The following HBEGF variants were observed in gnomAD, a reference collection of about 807,000 sequenced individuals.
HBEGF encodes the protein heparin binding EGF like growth factor, also known as proheparin-binding EGF-like growth factor.
HBEGF carries 8 observed loss-of-function variants against 19.5 expected under a neutral mutation model. The ratio of observed to expected loss-of-function variants is 0.41; its 90% CI spans 0.24 to 0.74. HBEGF has a LOEUF of 0.74. Ranked by LOEUF, HBEGF falls within the 30% of genes least tolerant of loss-of-function variation. The pLI is 0.32. For synonymous variants in HBEGF, 97 were observed against 108.9 expected, an observed-to-expected ratio of 0.89 and a Z score of 0.68; for missense variants, 207 against 256.9, an observed-to-expected ratio of 0.81 and a Z score of 1.33.
Position 140,346,538 on chromosome 5 carries a change from G to A in HBEGF, c.-210C>T. On this transcript the variant is annotated 5_prime_UTR_variant, in exon 1 of 6. Coordinates refer to ENST00000230990, the MANE Select transcript of HBEGF (RefSeq NM_001945.3). This position sits in a 1 kb window ranked among gnomAD's most constrained non-coding sequence, Gnocchi z 6.1. ...GCTCACTCAGCCCGCCCGCGCGGCC[G>A]CCCGACCCCGCGCGCCTAGGTCAGG... is the stretch of plus-strand genomic sequence containing the variant. The A allele has an allele frequency of 1.7e-6, 1 of 604,618 alleles. No homozygotes were observed. Among genetic ancestry groups the A allele is most frequent in the Non-Finnish European group, 2.9e-6 (1 of 345,778 alleles). 37.5% of individuals were successfully genotyped at this position (604,618 alleles called of 1,614,324 possible).
Position 140,335,895 on chromosome 5 carries a change from G to A in HBEGF, c.531C>T (p.Val177=), listed in dbSNP as rs753910986. Residue 177 remains valine, a synonymous_variant, in exon 4 of 6, where the codon GTC becomes GTT. Coordinates refer to ENST00000230990, the MANE Select transcript of HBEGF (RefSeq NM_001945.3). The part of the protein sequence containing the change: ...AVVLSSVCLL[V]IVGLLMFRYH... ...ACCTAAACATGAGAAGCCCCACGAT[G>A]ACCAGCAGACAGACAGATGACAGCA... The A allele has an allele frequency of 4.0e-5, 64 of 1,614,018 alleles. 1 individual carries two copies. The highest frequency in any genetic ancestry group is 2.7e-4 in the Admixed American group (16 of 60,004).
In HBEGF at chr5:140,342,792, G is replaced by C. The variant is rs1443293028; in HGVS notation, c.241C>G (p.Gln81Glu). Residue 81 changes from glutamine (Q) to glutamate (E), a missense_variant, in exon 3 of 6, where the codon CAA becomes GAA. Physicochemically the swap from Gln to Glu is conservative, Grantham distance 29. Transcript: ENST00000230990. ...LLRVTLSSKP[Q>E]ALATPNKEEH... ...TCCTTGTTTGGTGTGGCCAGTGCTT[G>C]TGGCTTGGAGGATAAAGTGACTGTA... The C allele has an allele frequency of 6.2e-7, 1 of 1,614,092 alleles. No homozygotes were observed. Among genetic ancestry groups the C allele is most frequent in the Non-Finnish European group, 8.5e-7 (1 of 1,180,050 alleles).
At position 140,346,409 on chromosome 5, in the gene HBEGF, G is replaced by A. The variant is rs1302122851; in HGVS notation, c.-81C>T. The A allele has an allele frequency of 6.7e-7, 1 of 1,493,618 alleles. No homozygotes were observed. Among genetic ancestry groups the A allele is most frequent in the African/African-American group, 1.4e-5 (1 of 71,976 alleles). 92.5% of individuals were successfully genotyped at this position (1,493,618 alleles called of 1,614,324 possible). A position where few individuals can be genotyped will look rare whatever the true frequency, so the allele number is the denominator to read the frequency against. On this transcript the variant is annotated 5_prime_UTR_variant, in exon 1 of 6. Transcript: ENST00000230990. This position sits in a 1 kb window ranked among gnomAD's most constrained non-coding sequence, Gnocchi z 6.1. ...CTGGGCGCTGGCACCAGAGCTGGGC[G>A]GCGGAGCTCAGGAGATTCCGCCGGG...
rs761264667 is a variant in HBEGF at position 140,346,247 on chromosome 5, C to T, written c.46+36G>A. 15 of 1,585,184 alleles carry T rather than the reference C, an allele frequency of 9.5e-6. No homozygotes were observed. The South Asian group carries it at 1.3e-4, about 13-fold the overall frequency. On this transcript the variant is annotated intron_variant, in intron 1 of 5. Transcript: ENST00000230990. This position sits in a 1 kb window ranked among gnomAD's most constrained non-coding sequence, Gnocchi z 6.1. ...CATGCCCCCAGCACAACGCCCCCAT[C>T]CCCCCGATCTCCGGGGGCGTCGGCA...
intron 2 of HBEGF, chr5:140,343,082 A>C: frequency 2.4e-6 from 1 of 423,850 alleles, no homozygotes; most frequent in Non-Finnish European, 4.3e-6. Context: ...TCATTCTCAG[A>C]ATGCTTTTGT....
chr5:140,333,929 C>T lies in HBEGF; in HGVS notation c.*370G>A, dbSNP rs577338769. The T allele has an allele frequency of 5.3e-5, 8 of 151,994 alleles. No homozygotes were observed. In the East Asian group the frequency reaches 1.5e-3, roughly 29 times the overall value. The allele number at this position is 151,994 out of a possible 1,614,324, so 9.4% of individuals were successfully genotyped here. On this transcript the variant is annotated 3_prime_UTR_variant, in exon 6 of 6. Coordinates refer to ENST00000230990, the MANE Select transcript of HBEGF (RefSeq NM_001945.3). ...ATCTTTCCTTCTTGCTCTCCTTCTT[C>T]TTCTTCTTTTTTTTTTTCAGTCAAA...
At chr5:140,339,986 T>A (rs1766283491) in intron 3 of HBEGF, among the ~76,000 whole-genome samples, 1 of 152,150 alleles carries the variant, frequency 6.6e-6, no homozygotes, top group African/African-American at 2.4e-5. Context: ...AGACATGCAA[T>A]CAACCCCCTG....
chr5:140,344,670 C>T (rs1356002857), intron 2 of HBEGF, among the ~76,000 whole-genome samples: 6 of 152,128 alleles, frequency 3.9e-5, no homozygotes, highest in African/African-American at 1.4e-4. Flanking sequence ...CAGGCCCCCT[C>T]AGAGCTCAGA....
At chr5:140,340,084 C>T (rs183802395) in intron 3 of HBEGF, among the ~76,000 whole-genome samples, 17 of 152,188 alleles carry the variant, frequency 1.1e-4, no homozygotes, top group African/African-American at 3.6e-4. Flanking sequence ...GTTAGGAGTT[C>T]AAGACCAGCC....
At chr5:140,336,832 T>C (rs945633644) in intron 3 of HBEGF, among the ~76,000 whole-genome samples, 10 of 145,582 alleles carry the variant, frequency 6.9e-5, no homozygotes, top group Admixed American at 2.7e-4. Flanking sequence ...CTTTTTCTTT[T>C]TTTTTTTTTT....
intron 2 of HBEGF, among the ~76,000 whole-genome samples, chr5:140,343,614 A>G (rs1192126434): frequency 1.3e-5 from 2 of 152,218 alleles, no homozygotes; most frequent in Non-Finnish European, 1.5e-5. Flanking sequence ...TGGAACAATG[A>G]TGACTCCCTC....
Position 140,333,046 on chromosome 5 carries a change from T to G in HBEGF, c.*1253A>C, listed in dbSNP as rs1007569605. ...CTTCTCGGTAGCAATTGGCAGGTAA[T>G]CAGTTACCAAGAACAGTCAGCTCCA... is the stretch of plus-strand genomic sequence containing the variant. On this transcript the variant is annotated 3_prime_UTR_variant, in exon 6 of 6. Coordinates refer to ENST00000230990, the MANE Select transcript of HBEGF (RefSeq NM_001945.3). 14 of 152,588 alleles carry G rather than the reference T, an allele frequency of 9.2e-5. No homozygotes were observed. The highest frequency in any genetic ancestry group is 3.4e-4 in the African/African-American group (14 of 41,430). 9.5% of individuals were successfully genotyped at this position (152,588 alleles called of 1,614,324 possible).
Position 140,341,661 on chromosome 5 carries a change from C to T in HBEGF, c.398+974G>A, listed in dbSNP as rs11465443. Reference sequence around the variant, plus strand: ...CCAGTAGAAGGGATGCCAGGCACGCCGCCTTCTTGACAGGCTGGAGGCAGT... The same window carrying T: ...CCAGTAGAAGGGATGCCAGGCACGCTGCCTTCTTGACAGGCTGGAGGCAGT... On this transcript the variant is annotated intron_variant, in intron 3 of 5. Coordinates refer to ENST00000230990, the MANE Select transcript of HBEGF (RefSeq NM_001945.3). 4.7e-3 allele frequency among the ~76,000 whole-genome samples: 722 copies of T among 152,312 alleles called. 2 individuals are homozygous for T. The highest frequency in any genetic ancestry group is 0.016 in the African/African-American group (663 of 41,570).
At position 140,346,164 on chromosome 5, in the gene HBEGF, C is replaced by T; in HGVS notation, c.47-80G>A. On this transcript the variant is annotated intron_variant, in intron 1 of 5. Transcript: ENST00000230990. This position sits in a 1 kb window ranked among gnomAD's most constrained non-coding sequence, Gnocchi z 6.1. ...CGCACCGATGCCGACGCCCGTCCGC[C>T]AGAGCGCAAGGGCCCCACCAAGTGG... is the stretch of plus-strand genomic sequence containing the variant. 6.4e-7 allele frequency: 1 copy of T among 1,560,738 alleles called. No individual in the cohort carries two copies. Among genetic ancestry groups the T allele is most frequent in the African/African-American group, 1.4e-5 (1 of 73,568 alleles).
At chr5:140,345,070 C>T (rs1156378243) in intron 2 of HBEGF, among the ~76,000 whole-genome samples, 1 of 152,212 alleles carries the variant, frequency 6.6e-6, no homozygotes, top group Admixed American at 6.5e-5. Flanking sequence ...GGGAGAAGGG[C>T]AGCTGAGGAG....
intron 2 of HBEGF, among the ~76,000 whole-genome samples, chr5:140,343,927 G>A (rs926842239): frequency 1.3e-5 from 2 of 152,282 alleles, no homozygotes; most frequent in Admixed American, 6.5e-5. Context: ...ACCTGAGGTC[G>A]GGAGTTCGAG....
intron 5 of HBEGF, 149 bp downstream of exon 5, chr5:140,334,509 G>A (rs574038809): frequency 6.0e-6 from 4 of 670,722 alleles, no homozygotes; most frequent in Non-Finnish European, 1.1e-5. Flanking sequence ...GAAGCACTGA[G>A]TCTTTTTGAA....
rs1049607342 is a variant in HBEGF, at chr5:140,333,935, CT to C, written c.*363del. On this transcript the variant is annotated 3_prime_UTR_variant, in exon 6 of 6. Coordinates refer to ENST00000230990, the MANE Select transcript of HBEGF (RefSeq NM_001945.3). Reference sequence around the variant, plus strand: ...CCTTCTTGCTCTCCTTCTTCTTCTTCTTTTTTTTTTTCAGTCAAAGATCCTG... The same window carrying C: ...CCTTCTTGCTCTCCTTCTTCTTCTTCTTTTTTTTTTCAGTCAAAGATCCTG... The C allele has an allele frequency of 4.6e-4, 65 of 142,510 alleles. No homozygotes were observed. The highest frequency in any genetic ancestry group is 1.0e-3 in the East Asian group (5 of 5,022). 8.8% of individuals were successfully genotyped at this position (142,510 alleles called of 1,614,324 possible). A position where few individuals can be genotyped will look rare whatever the true frequency, so the allele number is the denominator to read the frequency against.
intron 3 of HBEGF, among the ~76,000 whole-genome samples, chr5:140,340,609 A>G (rs35688900): frequency 6.6e-6 from 1 of 150,738 alleles, no homozygotes; most frequent in African/African-American, 2.4e-5. Flanking sequence ...AAAAAAAGAA[A>G]GAAAGAAAGA....
Sources: allele counts gnomAD v4.1 joint callset (sites outside exome capture counted in the v4.1 genomes callset), GRCh38; gene constraint gnomAD v4.1.1; non-coding constraint Gnocchi (gnomAD v3.1); transcripts MANE v1.5; gene names NCBI Gene and HGNC (gene_info 2026-07-23, HGNC 2026-07-21).